Variants in CDH13 observed in about 807,000 individuals in gnomAD.
CDH13 encodes the protein cadherin-13.
Under a neutral mutation model 63.8 loss-of-function variants are expected in CDH13, and 24 were observed. The observed-to-expected ratio is 0.38, with a 90% CI of 0.27 to 0.53. The LOEUF (loss-of-function observed/expected upper bound fraction) is 0.53, where lower values mean the gene tolerates loss of function less well. Ranked by LOEUF, CDH13 falls within the 20% of genes least tolerant of loss-of-function variation. The probability of loss-of-function intolerance (pLI) is 0.85; values close to 1 mark genes in which losing one functional copy is unlikely to be tolerated. For synonymous variants in CDH13, 503 were observed against 355.3 expected (o/e 1.42, Z -4.67); for missense variants, 1,049 against 903.1 (o/e 1.16, Z -2.07).
intron 2 of CDH13, among the ~76,000 whole-genome samples, chr16:82,915,423 G>A (rs532446909): frequency 6.6e-6 from 1 of 152,170 alleles, no homozygotes; most frequent in African/African-American, 2.4e-5. Flanking sequence ...TGTAACGAAG[G>A]TATCTTTCTT....
chr16:83,427,851 T>C (rs1362237105), intron 6 of CDH13, among the ~76,000 whole-genome samples: 1 of 152,194 alleles, frequency 6.6e-6, no homozygotes, highest in Non-Finnish European at 1.5e-5. Flanking sequence ...GTATTAACAA[T>C]TACATTCCTG....
At position 83,472,240 on chromosome 16, in the gene CDH13, G is replaced by T. The variant is rs370999853; in HGVS notation, c.782-14237G>T. Among the ~76,000 whole-genome samples, 218 of 152,270 alleles carry T rather than the reference G, an allele frequency of 1.4e-3. 1 individual carries two copies. Among genetic ancestry groups the T allele is most frequent in the African/African-American group, 5.1e-3 (210 of 41,552 alleles). On this transcript the variant is annotated intron_variant, in intron 6 of 13. Transcript: ENST00000567109. ...CAGTGGCAGAGCTGGGACTGAAACT[G>T]GGGACTCTGTCTCCTGTGGGCATGC...
rs1339520259 is a variant in CDH13, at chr16:83,748,091, G to T, written c.1539-17G>T. The stretch of plus-strand genomic sequence containing the variant: ...TACTTTGAATGCAGAGTCTGACATT[G>T]TGGGGATTTTTTTCAGGTATTCTGT... On this transcript the variant is annotated splice_polypyrimidine_tract_variant and intron_variant, in intron 10 of 13. Coordinates refer to ENST00000567109, the MANE Select transcript of CDH13 (RefSeq NM_001257.5). 1 of 1,613,848 alleles carries T rather than the reference G, an allele frequency of 6.2e-7. No individual in the cohort carries two copies.
intron 2 of CDH13, among the ~76,000 whole-genome samples, chr16:83,025,861 T>G (rs926333536): frequency 1.3e-5 from 2 of 152,208 alleles, no homozygotes; most frequent in African/African-American, 4.8e-5. Flanking sequence ...TGGCTCTGTC[T>G]GCATTAGATT....
At chr16:83,517,167 A>C (rs1482398801) in intron 7 of CDH13, among the ~76,000 whole-genome samples, 2 of 152,196 alleles carry the variant, frequency 1.3e-5, no homozygotes, top group Non-Finnish European at 2.9e-5. Flanking sequence ...GGGTGACTGT[A>C]AGAGGTTCCA....
intron 10 of CDH13, among the ~76,000 whole-genome samples, chr16:83,699,157 A>T (rs748250402): frequency 1.3e-5 from 2 of 152,206 alleles, no homozygotes; most frequent in Non-Finnish European, 2.9e-5. Context: ...ATGGCCCCCA[A>T]AGCACGGGCA....
chr16:83,191,079 T>C (rs1418764272), intron 4 of CDH13, among the ~76,000 whole-genome samples: 2 of 151,528 alleles, frequency 1.3e-5, no homozygotes, highest in Non-Finnish European at 2.9e-5. Context: ...GCAGAAAGGC[T>C]TACATATTAC....
At chr16:82,737,325 C>T (rs1325789266) in intron 1 of CDH13, among the ~76,000 whole-genome samples, 2 of 152,198 alleles carry the variant, frequency 1.3e-5, no homozygotes, top group Admixed American at 1.3e-4. Context: ...CTCAGATGGA[C>T]CCAGGGGTCA....
At chr16:83,648,896 T>C (rs1011334226) in intron 8 of CDH13, among the ~76,000 whole-genome samples, 7 of 152,142 alleles carry the variant, frequency 4.6e-5, no homozygotes, top group Non-Finnish European at 8.8e-5. Flanking sequence ...GCTGTGTCTT[T>C]TCCTGCCTTC....
intron 2 of CDH13, among the ~76,000 whole-genome samples, chr16:82,939,375 A>G (rs897181516): frequency 6.0e-5 from 9 of 151,174 alleles, no homozygotes; most frequent in Admixed American, 2.0e-4. Flanking sequence ...GTGAGCTGAG[A>G]TGGCACCATT....
At chr16:83,124,514 T>G (rs1291388902) in intron 3 of CDH13, among the ~76,000 whole-genome samples, 1 of 151,678 alleles carries the variant, frequency 6.6e-6, no homozygotes, top group Non-Finnish European at 1.5e-5. Context: ...TTTAATTAAA[T>G]TTGAATTGTC....
intron 13 of CDH13, among the ~76,000 whole-genome samples, chr16:83,786,451 G>T (rs532472527): frequency 6.6e-6 from 1 of 152,186 alleles, no homozygotes; most frequent in Admixed American, 6.5e-5. Context: ...GGAATAGGGC[G>T]TTGGGGAATG....
At chr16:83,445,234 T>A (rs2072643120) in intron 6 of CDH13, among the ~76,000 whole-genome samples, 1 of 55,892 alleles carries the variant, frequency 1.8e-5, no homozygotes, top group Non-Finnish European at 4.5e-5. Flanking sequence ...GCTGCGAGAG[T>A]TTATAATTTA....
chr16:83,033,670 A>G (rs544769506), intron 3 of CDH13, among the ~76,000 whole-genome samples: 107 of 152,282 alleles, frequency 7.0e-4, no homozygotes, highest in Non-Finnish European at 1.1e-3. Context: ...ATATGCATAC[A>G]CTTTATAAGT....
At chr16:83,736,332 T>C (rs932184610) in intron 10 of CDH13, among the ~76,000 whole-genome samples, 3 of 152,184 alleles carry the variant, frequency 2.0e-5, no homozygotes, top group African/African-American at 7.2e-5. Flanking sequence ...CTCAGCCTGT[T>C]AATATGGTAA....
chr16:83,584,725 C>A (rs1467304560), intron 7 of CDH13, among the ~76,000 whole-genome samples: 1 of 152,112 alleles, frequency 6.6e-6, no homozygotes, highest in Non-Finnish European at 1.5e-5. Flanking sequence ...CAAAGAAATA[C>A]CTGAGACTGG....
chr16:83,648,537 C>G (rs769314858), intron 8 of CDH13, among the ~76,000 whole-genome samples: 1 of 152,144 alleles, frequency 6.6e-6, no homozygotes, highest in African/African-American at 2.4e-5. Context: ...CTTTCTGCAG[C>G]TGCCCAGAGT....
At chr16:83,081,606 T>A (rs966199639) in intron 3 of CDH13, among the ~76,000 whole-genome samples, 1 of 152,110 alleles carries the variant, frequency 6.6e-6, no homozygotes, top group Non-Finnish European at 1.5e-5. Flanking sequence ...ACAGATCAGG[T>A]ACCAGCAGGG....
chr16:82,739,414 C>T (rs866186700), intron 1 of CDH13, among the ~76,000 whole-genome samples: 23 of 152,218 alleles, frequency 1.5e-4, no homozygotes, highest in Non-Finnish European at 1.6e-4. Context: ...AGTCTTATTC[C>T]ACTTCAGACT....
Sources: allele counts gnomAD v4.1 joint callset (sites outside exome capture counted in the v4.1 genomes callset), GRCh38; gene constraint gnomAD v4.1.1; transcripts MANE v1.5; gene names NCBI Gene and HGNC (gene_info 2026-07-23, HGNC 2026-07-21).